BICC1: variants seen among roughly 807,000 people sequenced by gnomAD.
BICC1 encodes BicC family RNA binding protein 1.
In BICC1, 43 loss-of-function variants were observed where a neutral mutation model predicts 111.0. The ratio of observed to expected loss-of-function variants is 0.39; its 90% CI spans 0.30 to 0.50. The LOEUF (loss-of-function observed/expected upper bound fraction) is 0.50. BICC1 is among the 20% of genes least tolerant of loss of function. The pLI is 0.88. For synonymous variants in BICC1, 467 were observed against 434.4 expected (o/e 1.07, Z -0.93); for missense variants, 1,091 against 1,203.2 (o/e 0.91, Z 1.38).
intron 12 of BICC1, among the ~76,000 whole-genome samples, chr10:58,799,809 C>T (rs981508709): frequency 2.0e-5 from 3 of 151,862 alleles, no homozygotes; most frequent in African/African-American, 7.3e-5. Context: ...ATTCTTTTTG[C>T]TTAAGATTGC....
At chr10:58,724,003 A>T (rs1472017091) in intron 3 of BICC1, among the ~76,000 whole-genome samples, 1 of 152,194 alleles carries the variant, frequency 6.6e-6, no homozygotes, top group Non-Finnish European at 1.5e-5. Context: ...TAGTGTCAAC[A>T]TGATGAGTTT....
At chr10:58,773,249 G>C (rs1483077318) in intron 3 of BICC1, among the ~76,000 whole-genome samples, 1 of 152,162 alleles carries the variant, frequency 6.6e-6, no homozygotes, top group African/African-American at 2.4e-5. Flanking sequence ...CCCCCTAAAA[G>C]TTAGTGCTTC....
chr10:58,813,196 A>G (rs1843967335), intron 17 of BICC1, among the ~76,000 whole-genome samples: 1 of 152,220 alleles, frequency 6.6e-6, no homozygotes, highest in Non-Finnish European at 1.5e-5. Flanking sequence ...GGGTGTCTAT[A>G]ATATAGTGAT....
intron 1 of BICC1, among the ~76,000 whole-genome samples, chr10:58,601,168 A>ATATATATATATATATCTATC (rs1182289120): frequency 7.2e-6 from 1 of 139,352 alleles, no homozygotes; most frequent in African/African-American, 2.6e-5. Flanking sequence ...ATATATATAT[A>ATATATATATATATATCTATC]TATCTCCCAA....
intron 3 of BICC1, among the ~76,000 whole-genome samples, chr10:58,738,404 G>T (rs979045168): frequency 2.6e-5 from 4 of 151,988 alleles, no homozygotes; most frequent in Non-Finnish European, 4.4e-5. Context: ...TTGTAGATAT[G>T]CGGCATTGTT....
intron 10 of BICC1, among the ~76,000 whole-genome samples, chr10:58,797,537 A>G (rs1327353525): frequency 6.6e-6 from 1 of 152,188 alleles, no homozygotes; most frequent in Non-Finnish European, 1.5e-5. Context: ...ACAGAGTCAT[A>G]ACAACATAGC....
intron 3 of BICC1, among the ~76,000 whole-genome samples, chr10:58,708,582 A>G (rs1840472418): frequency 6.6e-6 from 1 of 152,196 alleles, no homozygotes; most frequent in Non-Finnish European, 1.5e-5. Flanking sequence ...GCTTGAAGAA[A>G]TGGTGTCTGA....
chr10:58,545,048 T>G (rs1843101089), intron 1 of BICC1, among the ~76,000 whole-genome samples: 1 of 151,482 alleles, frequency 6.6e-6, no homozygotes, highest in African/African-American at 2.4e-5. Context: ...GAACCAACCC[T>G]GTCAACACCT....
chr10:58,762,917 C>T (rs970257243), intron 3 of BICC1, among the ~76,000 whole-genome samples: 158 of 152,252 alleles, frequency 1.0e-3, no homozygotes, highest in African/African-American at 3.6e-3. Flanking sequence ...TCTTCAGTGC[C>T]AGAGCCAATC....
chr10:58,789,853 C>G lies in BICC1; in HGVS notation c.967C>G (p.Pro323Ala). ...AGGTGCTCAGATCCACTTTCCTGAT[C>G]CCAGTAATCCACAAAAGAAATCTAC... ...RTGAQIHFPDPSNPQKKSTVY... is the reference protein window; with the variant it reads ...RTGAQIHFPDASNPQKKSTVY... Residue 323 changes from proline to alanine, a missense_variant, in exon 8 of 21, where the codon CCC becomes GCC. This residue lies in a region of BICC1 where 843 missense variants were observed against 900.8 expected (regional missense o/e 0.94). Coordinates refer to ENST00000373886, the MANE Select transcript of BICC1 (RefSeq NM_001080512.3). 1 of 1,614,100 alleles carries G rather than the reference C, an allele frequency of 6.2e-7. No homozygotes were observed. The highest frequency in any genetic ancestry group is 8.5e-7 in the Non-Finnish European group (1 of 1,180,000).
At chr10:58,653,808 T>G (rs2132259642) in intron 2 of BICC1, among the ~76,000 whole-genome samples, 1 of 145,770 alleles carries the variant, frequency 6.9e-6, no homozygotes, top group East Asian at 2.2e-4. Context: ...ATTAGGTATA[T>G]CTCCCAATGC....
chr10:58,612,656 T>C (rs182373816), intron 1 of BICC1, among the ~76,000 whole-genome samples: 1 of 151,816 alleles, frequency 6.6e-6, no homozygotes, highest in Admixed American at 6.6e-5. Flanking sequence ...ATTTGAAGAA[T>C]TATATCTCAA....
intron 1 of BICC1, among the ~76,000 whole-genome samples, chr10:58,514,849 TAAAAC>T (rs1842198969): frequency 6.6e-6 from 1 of 152,226 alleles, no homozygotes; most frequent in South Asian, 2.1e-4. Flanking sequence ...TTTATGATTA[TAAAAC>T]AAAATATTAA....
chr10:58,756,129 G>A (rs1174671902), intron 3 of BICC1, among the ~76,000 whole-genome samples: 1 of 151,870 alleles, frequency 6.6e-6, no homozygotes, highest in Non-Finnish European at 1.5e-5. Flanking sequence ...TTTGAAAAAC[G>A]TTGCTCTTTT....
At chr10:58,618,771 A>G (rs1004612317) in intron 1 of BICC1, among the ~76,000 whole-genome samples, 1 of 152,242 alleles carries the variant, frequency 6.6e-6, no homozygotes, top group African/African-American at 2.4e-5. Flanking sequence ...ACAAGTTGCC[A>G]CAGTGTAGTA....
At chr10:58,702,283 G>A (rs1046561226) in intron 3 of BICC1, 140 bp downstream of exon 3, 14 of 549,304 alleles carry the variant, frequency 2.5e-5, no homozygotes, top group South Asian at 9.2e-5. Context: ...TCTTTCAGGA[G>A]GATTTTCATA....
chr10:58,613,738 G>T (rs1426743982), intron 1 of BICC1, among the ~76,000 whole-genome samples: 1 of 152,162 alleles, frequency 6.6e-6, no homozygotes, highest in Non-Finnish European at 1.5e-5. Context: ...GGTTAGAATT[G>T]TGACTGTGAA....
intron 2 of BICC1, among the ~76,000 whole-genome samples, chr10:58,643,605 A>G (rs1190554691): frequency 6.6e-6 from 1 of 152,236 alleles, no homozygotes; most frequent in Non-Finnish European, 1.5e-5. Flanking sequence ...AACAATTTAC[A>G]TTTAGTAATA....
At chr10:58,796,596 C>A in intron 10 of BICC1, 70 bp downstream of exon 10, 2 of 1,433,896 alleles carry the variant, frequency 1.4e-6, no homozygotes, top group African/African-American at 1.4e-5. Flanking sequence ...TTTCTTTCTA[C>A]CATTCGGGTC....
Sources: gnomAD v4.1 joint callset for allele counts (sites outside exome capture counted in the v4.1 genomes callset) on GRCh38, gnomAD v4.1.1 for gene constraint, gnomAD v4.1.1 regional missense constraint, MANE v1.5 for transcripts, NCBI Gene and HGNC (gene_info 2026-07-23, HGNC 2026-07-21) for gene names.